RBFOX1: variants seen among roughly 807,000 people sequenced by gnomAD.
RBFOX1 encodes the protein RNA binding protein fox-1 homolog 1.
RBFOX1 carries 8 observed loss-of-function variants against 57.7 expected under a neutral mutation model. The observed-to-expected ratio is 0.14, with a 90% CI of 0.08 to 0.25. The LOEUF (loss-of-function observed/expected upper bound fraction) is 0.25. RBFOX1 is among the 10% of genes least tolerant of loss of function. The pLI, the probability that RBFOX1 is intolerant of heterozygous loss-of-function variation, is 1.00. For synonymous variants in RBFOX1, 326 were observed against 222.4 expected (o/e 1.47, Z -4.15); for missense variants, 611 against 548.5 (o/e 1.11, Z -1.14).
At chr16:6,054,621 G>C (rs2095592560) in intron 1 of RBFOX1, among the ~76,000 whole-genome samples, 2 of 152,188 alleles carry the variant, frequency 1.3e-5, no homozygotes, top group African/African-American at 4.8e-5. Flanking sequence ...AAAAAATCAT[G>C]AGTTTCTTCT....
At chr16:5,801,804 G>A (rs1597312383) in intron 3 of RBFOX1, among the ~76,000 whole-genome samples, 2 of 152,256 alleles carry the variant, frequency 1.3e-5, no homozygotes, top group East Asian at 1.9e-4. Context: ...AGAGTGAACC[G>A]GGTGCCAAAA....
At chr16:6,423,351 C>T (rs569660203) in intron 2 of RBFOX1, among the ~76,000 whole-genome samples, 27 of 152,280 alleles carry the variant, frequency 1.8e-4, no homozygotes, top group East Asian at 5.8e-4. Context: ...GTAATCCCAG[C>T]GCTTTGGGAG....
At chr16:6,580,305 CA>C in intron 2 of RBFOX1, among the ~76,000 whole-genome samples, 1 of 152,134 alleles carries the variant, frequency 6.6e-6, no homozygotes, top group Non-Finnish European at 1.5e-5. Context: ...TTTTCCATCA[CA>C]AATTTTTATT....
intron 1 of RBFOX1, among the ~76,000 whole-genome samples, chr16:6,239,704 G>A (rs557451028): frequency 1.4e-3 from 208 of 152,036 alleles, no homozygotes; most frequent in African/African-American, 4.8e-3. Context: ...TCACCATGTT[G>A]ACCAGGCTGG....
At chr16:6,791,131 T>G (rs1421471759) in intron 3 of RBFOX1, among the ~76,000 whole-genome samples, 1 of 152,012 alleles carries the variant, frequency 6.6e-6, no homozygotes, top group Non-Finnish European at 1.5e-5. Flanking sequence ...GATCTCAAAC[T>G]CCTGACCTCA....
chr16:6,783,091 T>C (rs774002989), intron 3 of RBFOX1, among the ~76,000 whole-genome samples: 16 of 152,104 alleles, frequency 1.1e-4, no homozygotes, highest in Non-Finnish European at 2.1e-4. Context: ...GGCATATCTT[T>C]TTCTGTTCTT....
intron 1 of RBFOX1, among the ~76,000 whole-genome samples, chr16:6,283,801 T>C (rs1317358134): frequency 6.6e-6 from 1 of 152,210 alleles, no homozygotes; most frequent in Admixed American, 6.5e-5. Context: ...AAGTCCTCTG[T>C]GGTTTGACAG....
At chr16:6,874,437 G>T (rs1567665302) in intron 3 of RBFOX1, among the ~76,000 whole-genome samples, 1 of 145,592 alleles carries the variant, frequency 6.9e-6, no homozygotes. Flanking sequence ...TTGAATCCAG[G>T]AGATGGAGGT....
chr16:6,634,072 C>G (rs748135829), intron 2 of RBFOX1, among the ~76,000 whole-genome samples: 3 of 145,664 alleles, frequency 2.1e-5, no homozygotes, highest in Non-Finnish European at 3.1e-5. Flanking sequence ...AACCTACACA[C>G]ACACATACAC....
intron 2 of RBFOX1, among the ~76,000 whole-genome samples, chr16:5,564,931 G>A (rs1465764727): frequency 3.3e-5 from 5 of 152,154 alleles, no homozygotes; most frequent in African/African-American, 1.2e-4. Flanking sequence ...AGCCTTGGCA[G>A]CCACGTGTAG....
At position 7,201,398 on chromosome 16, in the gene RBFOX1, C is replaced by G. The variant is rs986017570; in HGVS notation, c.27+149300C>G. ...TTAAGAAGTGGGGATTCTATTCTGGCTGAGGCAGGAGGTCCTTAGTTTGAT... is the reference window on the plus strand; with the variant it reads ...TTAAGAAGTGGGGATTCTATTCTGGGTGAGGCAGGAGGTCCTTAGTTTGAT... On this transcript the variant is annotated intron_variant, in intron 4 of 15. Transcript: ENST00000550418. Among the ~76,000 whole-genome samples the G allele has an allele frequency of 1.2e-4, 18 of 151,326 alleles. No individual in the cohort carries two copies. In the South Asian group the frequency reaches 1.9e-3, roughly 16 times the overall value.
At chr16:7,707,332 A>C in intron 14 of RBFOX1, among the ~76,000 whole-genome samples, 1 of 152,156 alleles carries the variant, frequency 6.6e-6, no homozygotes, top group African/African-American at 2.4e-5. Context: ...TGAGGTGGTC[A>C]AACATGTATT....
At chr16:5,375,097 A>G (rs966347710) in intron 1 of RBFOX1, among the ~76,000 whole-genome samples, 1 of 141,098 alleles carries the variant, frequency 7.1e-6, no homozygotes, top group African/African-American at 2.5e-5. Context: ...AAAAAAAAAA[A>G]AAAAAAAAAA....
intron 1 of RBFOX1, among the ~76,000 whole-genome samples, chr16:5,439,540 C>T (rs137872337): frequency 6.6e-5 from 10 of 151,630 alleles, no homozygotes; most frequent in African/African-American, 2.4e-4. Context: ...TAGGTAGAAC[C>T]GGGGAGACTT....
intron 3 of RBFOX1, among the ~76,000 whole-genome samples, chr16:7,006,808 CA>C (rs1279953886): frequency 6.6e-6 from 1 of 152,276 alleles, no homozygotes; most frequent in East Asian, 1.9e-4. Context: ...AAAGTTAAGT[CA>C]CCTGCCCAAG....
chr16:6,662,486 G>C (rs967763740), intron 3 of RBFOX1, among the ~76,000 whole-genome samples: 15 of 152,172 alleles, frequency 9.9e-5, no homozygotes, highest in African/African-American at 3.6e-4. Flanking sequence ...CTGCAGGCCG[G>C]TATTGTACAA....
intron 6 of RBFOX1, among the ~76,000 whole-genome samples, chr16:7,582,771 T>C (rs1156898884): frequency 1.3e-5 from 2 of 152,190 alleles, no homozygotes; most frequent in Non-Finnish European, 2.9e-5. Context: ...GGGTTTACAG[T>C]GAGGACAATT....
chr16:7,290,301 A>G (rs538275625), intron 4 of RBFOX1, among the ~76,000 whole-genome samples: 1 of 152,228 alleles, frequency 6.6e-6, no homozygotes, highest in Non-Finnish European at 1.5e-5. Flanking sequence ...AATTAGGCTT[A>G]TAATCCAATT....
Position 7,057,029 on chromosome 16 carries a change from G to GAAAA in RBFOX1, c.27+4942_27+4945dup, listed in dbSNP as rs36083057. The stretch of plus-strand genomic sequence containing the variant: ...GATAAAACAACTTCGTTAAAGCACT[G>GAAAA]AAAAAAAAAAAAAATGCAGGCCTGA... On this transcript the variant is annotated intron_variant, in intron 4 of 15. Transcript: ENST00000550418. Among the ~76,000 whole-genome samples the GAAAA allele has an allele frequency of 3.1e-3, 420 of 136,602 alleles. 4 individuals carry two copies. The highest frequency in any genetic ancestry group is 0.011 in the African/African-American group (406 of 37,982). 89.6% of individuals were successfully genotyped at this position (136,602 alleles called of 152,430 possible).
Sources: allele counts gnomAD v4.1 joint callset (sites outside exome capture counted in the v4.1 genomes callset), GRCh38; gene constraint gnomAD v4.1.1; transcripts MANE v1.5; gene names NCBI Gene and HGNC (gene_info 2026-07-23, HGNC 2026-07-21).